Variants in CSMD3 observed in about 807,000 individuals in gnomAD.
CSMD3 encodes the protein CUB and Sushi multiple domains 3, also known as CUB and sushi domain-containing protein 3.
Under a neutral mutation model 435.2 loss-of-function variants are expected in CSMD3, and 177 were observed. The observed-to-expected ratio is 0.41, with a 90% confidence interval of 0.36 to 0.46. The LOEUF (loss-of-function observed/expected upper bound fraction) is 0.46, where lower values mean the gene tolerates loss of function less well. CSMD3 is among the 20% of genes least tolerant of loss of function. The pLI, the probability that CSMD3 is intolerant of heterozygous loss-of-function variation, is 0.34. For synonymous variants in CSMD3, 1,656 were observed against 1,520.5 expected, an observed-to-expected ratio of 1.09 and a Z score of -2.07; for missense variants, 4,265 against 4,504.6, an observed-to-expected ratio of 0.95 and a Z score of 1.52.
chr8:112,597,719 A>T (rs2131398226), intron 22 of CSMD3, among the ~76,000 whole-genome samples: 1 of 137,146 alleles, frequency 7.3e-6, no homozygotes, highest in South Asian at 2.5e-4. Flanking sequence ...CAATATACGC[A>T]AATCAATAAG....
At position 112,400,084 on chromosome 8, in the gene CSMD3, A is replaced by G. The variant is rs76733033; in HGVS notation, c.5809+6440T>C. 4.1e-4 allele frequency among the ~76,000 whole-genome samples: 63 copies of G among 152,278 alleles called. No individual in the cohort carries two copies. In the East Asian group the frequency reaches 6.6e-3, roughly 16 times the overall value. ...GTTACAGTAGCACCCCACTCCTGGT[A>G]CCAATTTTCCATCTTAGTCTGTTCA... On this transcript the variant is annotated intron_variant, in intron 35 of 70. Transcript: ENST00000297405.
Position 112,636,686 on chromosome 8 carries a change from A to G in CSMD3, c.3715+131T>C, listed in dbSNP as rs1349510879. On this transcript the variant is annotated intron_variant, in intron 22 of 70. Transcript: ENST00000297405. ...CAGTTACACCAGATTGCCAAATAGAAAAAAAGTTGAAATAATTAATGTGAA... is the reference window on the plus strand; with the variant it reads ...CAGTTACACCAGATTGCCAAATAGAGAAAAAGTTGAAATAATTAATGTGAA... The G allele has an allele frequency of 6.2e-6, 5 of 811,136 alleles. No homozygotes were observed. In the East Asian group the frequency reaches 8.0e-5, roughly 13 times the overall value. 50.2% of individuals were successfully genotyped at this position (811,136 alleles called of 1,614,324 possible).
intron 1 of CSMD3, among the ~76,000 whole-genome samples, chr8:113,363,984 A>G (rs1336650083): frequency 6.6e-6 from 1 of 152,112 alleles, no homozygotes; most frequent in Non-Finnish European, 1.5e-5. Context: ...GTGTTCTAGA[A>G]GTCTTACAGA....
intron 59 of CSMD3, among the ~76,000 whole-genome samples, chr8:112,265,943 G>T (rs1165603920): frequency 6.6e-6 from 1 of 151,980 alleles, no homozygotes; most frequent in Non-Finnish European, 1.5e-5. Flanking sequence ...CATAATATTT[G>T]AAATTCATAT....
intron 2 of CSMD3, among the ~76,000 whole-genome samples, chr8:113,289,497 G>A (rs118045407): frequency 0.03 from 4,477 of 151,078 alleles, 85 homozygotes; most frequent in Non-Finnish European, 0.04. Context: ...AATTATGACC[G>A]AGAGAGAGGT....
At chr8:112,479,299 G>A (rs1225368401) in intron 31 of CSMD3, among the ~76,000 whole-genome samples, 2 of 152,194 alleles carry the variant, frequency 1.3e-5, no homozygotes, top group Non-Finnish European at 2.9e-5. Context: ...GGGAAGTAGA[G>A]TGTAAACGTT....
At position 112,337,392 on chromosome 8, in the gene CSMD3, A is replaced by G. The variant is rs1034508598; in HGVS notation, c.6841+151T>C. On this transcript the variant is annotated intron_variant, in intron 43 of 70. Coordinates refer to ENST00000297405, the MANE Select transcript of CSMD3 (RefSeq NM_198123.2). ...GCCAATAATGATAAAATCGTTATTCATTATAGAGCCTTAGGGGTTTAAAAA... is the reference window on the plus strand; with the variant it reads ...GCCAATAATGATAAAATCGTTATTCGTTATAGAGCCTTAGGGGTTTAAAAA... The G allele has an allele frequency of 5.8e-5, 39 of 671,020 alleles. No individual in the cohort carries two copies. The South Asian group carries it at 6.1e-4, about 10-fold the overall frequency. 41.6% of individuals were successfully genotyped at this position (671,020 alleles called of 1,614,324 possible).
intron 40 of CSMD3, among the ~76,000 whole-genome samples, chr8:112,346,742 A>T (rs1403504723): frequency 7.8e-6 from 1 of 128,062 alleles, no homozygotes. Context: ...GCAGTGGCGC[A>T]ATCTCGGCTC....
At chr8:112,761,453 G>A (rs2132148808) in intron 13 of CSMD3, among the ~76,000 whole-genome samples, 1 of 152,048 alleles carries the variant, frequency 6.6e-6, no homozygotes, top group East Asian at 1.9e-4. Context: ...TAAGCTACTA[G>A]GATCTATCTA....
chr8:112,865,849 C>T (rs2080965758), intron 10 of CSMD3, among the ~76,000 whole-genome samples: 1 of 152,044 alleles, frequency 6.6e-6, no homozygotes, highest in Non-Finnish European at 1.5e-5. Context: ...GGAAGACACT[C>T]AATGAATGAA....
chr8:112,605,047 C>A (rs986883033), intron 22 of CSMD3, among the ~76,000 whole-genome samples: 1 of 152,120 alleles, frequency 6.6e-6, no homozygotes, highest in Non-Finnish European at 1.5e-5. Flanking sequence ...CTTCATGACT[C>A]ATTAGAGAAA....
intron 4 of CSMD3, among the ~76,000 whole-genome samples, chr8:113,124,963 G>T (rs975942440): frequency 2.0e-5 from 3 of 151,874 alleles, no homozygotes; most frequent in African/African-American, 7.2e-5. Context: ...AATTCTCAAT[G>T]GTTTCTAGTC....
chr8:113,050,028 G>A (rs529184618), intron 5 of CSMD3, among the ~76,000 whole-genome samples: 1 of 152,144 alleles, frequency 6.6e-6, no homozygotes, highest in South Asian at 2.1e-4. Context: ...GGTACAATCA[G>A]TTCTCTTTAG....
chr8:113,185,758 T>C (rs772818903), intron 3 of CSMD3, among the ~76,000 whole-genome samples: 51 of 152,030 alleles, frequency 3.4e-4, no homozygotes, highest in Admixed American at 2.0e-4. Flanking sequence ...CGTGTGTGTG[T>C]GCATGTGCAC....
chr8:112,467,988 CT>C (rs1374086812), intron 32 of CSMD3, among the ~76,000 whole-genome samples: 1 of 151,982 alleles, frequency 6.6e-6, no homozygotes, highest in Non-Finnish European at 1.5e-5. Flanking sequence ...TTATAGTAGC[CT>C]TAGGACATGA....
At chr8:112,840,089 T>A (rs2132526326) in intron 11 of CSMD3, among the ~76,000 whole-genome samples, 1 of 151,790 alleles carries the variant, frequency 6.6e-6, no homozygotes, top group Middle Eastern at 3.4e-3. Context: ...ACAAGCAACT[T>A]AGGCAGGAGT....
intron 31 of CSMD3, among the ~76,000 whole-genome samples, chr8:112,480,271 T>G: frequency 6.6e-6 from 1 of 152,314 alleles, no homozygotes; most frequent in South Asian, 2.1e-4. Flanking sequence ...GTAAATAACT[T>G]GTTTTGATTT....
intron 1 of CSMD3, among the ~76,000 whole-genome samples, chr8:113,375,280 TTAA>T (rs1044646741): frequency 1.3e-4 from 20 of 152,156 alleles, no homozygotes; most frequent in African/African-American, 4.3e-4. Context: ...GAAAAGAGAC[TTAA>T]TAACATATAA....
At chr8:112,342,510 T>C (rs574241325) in intron 41 of CSMD3, among the ~76,000 whole-genome samples, 1 of 152,270 alleles carries the variant, frequency 6.6e-6, no homozygotes, top group Non-Finnish European at 1.5e-5. Flanking sequence ...ACATTATATA[T>C]ATTACCTGCC....
Sources: gnomAD v4.1 joint callset for allele counts (sites outside exome capture counted in the v4.1 genomes callset) on GRCh38, gnomAD v4.1.1 for gene constraint, MANE v1.5 for transcripts, NCBI Gene and HGNC (gene_info 2026-07-23, HGNC 2026-07-21) for gene names.